The following RUBCNL variants were observed in gnomAD, a reference collection of about 807,000 sequenced individuals.
RUBCNL encodes the protein protein associated with UVRAG as autophagy enhancer.
RUBCNL carries 62 observed loss-of-function variants against 69.5 expected under a neutral mutation model. The ratio of observed to expected loss-of-function variants is 0.89; its 90% confidence interval spans 0.73 to 1.10. The LOEUF (loss-of-function observed/expected upper bound fraction) is 1.10. Ranked by LOEUF, RUBCNL falls within the 50% of genes least tolerant of loss-of-function variation. RUBCNL has a pLI of 0.00. For synonymous variants in RUBCNL, 291 were observed against 303.6 expected (o/e 0.96, Z 0.43); for missense variants, 768 against 798.1 (o/e 0.96, Z 0.45).
In RUBCNL at chr13:46,343,302, T is replaced by C; in HGVS notation, c.*83A>G. The C allele has an allele frequency of 6.4e-7, 1 of 1,553,770 alleles. No individual in the cohort carries two copies. Among genetic ancestry groups the C allele is most frequent in the Non-Finnish European group, 8.7e-7 (1 of 1,145,480 alleles). ...TCCTTAATATACAATACCCAATATC[T>C]AAAACAATGTCACCAATAATAGACA... On this transcript the variant is annotated 3_prime_UTR_variant, in exon 15 of 15. Coordinates refer to ENST00000429979, the MANE Select transcript of RUBCNL (RefSeq NM_025113.5).
Position 46,343,243 on chromosome 13 carries a change from G to C in RUBCNL, c.*142C>G, listed in dbSNP as rs748353066. The stretch of plus-strand genomic sequence containing the variant: ...AATCTGCATTCTTTTGAAACATTAA[G>C]TATATGCAATAAAGAGAATATAGAC... On this transcript the variant is annotated 3_prime_UTR_variant, in exon 15 of 15. Transcript: ENST00000429979. 7.9e-7 allele frequency: 1 copy of C among 1,262,112 alleles called. No individual in the cohort carries two copies. The highest frequency in any genetic ancestry group is 1.5e-5 in the African/African-American group (1 of 67,070). The allele number at this position is 1,262,112 out of a possible 1,614,324, so 78.2% of individuals were successfully genotyped here.
At position 46,337,269 on chromosome 13, in the gene RUBCNL, A is replaced by T. The variant is rs368657045; in HGVS notation, c.*6116T>A. 9.9e-5 allele frequency among the ~76,000 whole-genome samples: 15 copies of T among 152,206 alleles called. No individual in the cohort carries two copies. Among genetic ancestry groups the T allele is most frequent in the African/African-American group, 3.4e-4 (14 of 41,520 alleles). ...GCGATTCTTCTGCCTCAGCCTCCCG[A>T]GTAGCTGGGATTACAGGCACTTGCG... On this transcript the variant is annotated 3_prime_UTR_variant, in exon 15 of 15. Coordinates refer to ENST00000429979, the MANE Select transcript of RUBCNL (RefSeq NM_025113.5).
chr13:46,372,089 C>T lies in RUBCNL; in HGVS notation c.387G>A (p.Leu129=), dbSNP rs1334005763. The T allele has an allele frequency of 6.2e-7, 1 of 1,614,000 alleles. No homozygotes were observed. Among genetic ancestry groups the T allele is most frequent in the Admixed American group, 1.7e-5 (1 of 60,022 alleles). ...GSSEKSSSFS[L]SSTEVHMVRP... is the part of the protein sequence containing the mutation. Reference sequence around the variant, plus strand: ...GGACCATGTGTACCTCTGTTGAGGACAGAGAGAAGCTGCTACTCTTTTCAC... The same window carrying T: ...GGACCATGTGTACCTCTGTTGAGGATAGAGAGAAGCTGCTACTCTTTTCAC... The change falls in exon 3 of 15, where the codon CTG becomes CTA. Residue 129 remains leucine (L), a synonymous_variant. Transcript: ENST00000429979.
chr13:46,382,793 C>T (rs970342588), intron 1 of RUBCNL, among the ~76,000 whole-genome samples: 4 of 152,194 alleles, frequency 2.6e-5, no homozygotes, highest in African/African-American at 9.7e-5. Context: ...CCTCAGCCTC[C>T]CAAAGTGCTG....
rs2048113903 is a variant in RUBCNL, at chr13:46,337,857, ATCACTCAGGGAGCTGGGTAGGGCCC to A, written c.*5503_*5527del. 1.3e-5 allele frequency among the ~76,000 whole-genome samples: 2 copies of A among 152,310 alleles called. No homozygotes were observed. The highest frequency in any genetic ancestry group is 4.1e-4 in the South Asian group (2 of 4,822). On this transcript the variant is annotated 3_prime_UTR_variant, in exon 15 of 15. Coordinates refer to ENST00000429979, the MANE Select transcript of RUBCNL (RefSeq NM_025113.5). ...CTCCTGAGTAGTTCTATTTCAAACA[ATCACTCAGGGAGCTGGGTAGGGCCC>A]TCAGGAATGTGGACCTTCAGGGGCT...
chr13:46,350,227 G>C lies in RUBCNL; in HGVS notation c.1455C>G (p.Tyr485Ter), dbSNP rs147137455. ...GCAGCTGTTTGGAGAAATTGCTGAC[G>C]TAGTACTTCTTGAAGTCCCACATCA... is the stretch of plus-strand genomic sequence containing the variant. ...ILMMWDFKKY[Y>*]VSNFSKQLLD... Residue 485 changes from tyrosine (Y) to a stop codon, truncating the protein, a stop_gained, in exon 11 of 15, where the codon TAC (tyrosine) becomes TAG (stop). Transcript: ENST00000429979. LOFTEE classifies it high-confidence loss of function. 1.3e-6 allele frequency: 2 copies of C among 1,593,480 alleles called. No individual in the cohort carries two copies. The highest frequency in any genetic ancestry group is 1.8e-5 in the Admixed American group (1 of 56,730).
intron 1 of RUBCNL, among the ~76,000 whole-genome samples, chr13:46,385,522 A>G (rs2049219216): frequency 6.6e-6 from 1 of 152,220 alleles, no homozygotes; most frequent in African/African-American, 2.4e-5. Flanking sequence ...CATATTAGAA[A>G]TAAGAACGTA....
In RUBCNL at chr13:46,336,276, G is replaced by A. The variant is rs1216718492; in HGVS notation, c.*7109C>T. ...CACCTCCATCATCAGACTCTACGAAGATGGAGTTTCAGGTGGTCCCCAACA... is the reference window on the plus strand; with the variant it reads ...CACCTCCATCATCAGACTCTACGAAAATGGAGTTTCAGGTGGTCCCCAACA... On this transcript the variant is annotated 3_prime_UTR_variant, in exon 15 of 15. Coordinates refer to ENST00000429979, the MANE Select transcript of RUBCNL (RefSeq NM_025113.5). Among the ~76,000 whole-genome samples, 1 of 152,170 alleles carries A rather than the reference G, an allele frequency of 6.6e-6. No homozygotes were observed. Among genetic ancestry groups the A allele is most frequent in the African/African-American group, 2.4e-5 (1 of 41,444 alleles).
upstream of RUBCNL, chr13:46,389,968 CT>C (rs1488762886): frequency 3.3e-5 from 5 of 152,300 alleles, no homozygotes; most frequent in African/African-American, 1.2e-4. The surrounding 1 kb of genome is among the most constrained non-coding windows in gnomAD (Gnocchi z 4.2). Flanking sequence ...GGAAGGTGAA[CT>C]TCCAGATCAC....
At position 46,341,194 on chromosome 13, in the gene RUBCNL, T is replaced by C. The variant is rs1566534663; in HGVS notation, c.*2191A>G. Among the ~76,000 whole-genome samples the C allele has an allele frequency of 6.6e-6, 1 of 151,986 alleles. No individual in the cohort carries two copies. Among genetic ancestry groups the C allele is most frequent in the African/African-American group, 2.4e-5 (1 of 41,350 alleles). The stretch of plus-strand genomic sequence containing the variant: ...ATGTGAAGAGTGCAGAGGCAGAAAA[T>C]GAATCACTGACCTTTACAGCACTGC... On this transcript the variant is annotated 3_prime_UTR_variant, in exon 15 of 15. Coordinates refer to ENST00000429979, the MANE Select transcript of RUBCNL (RefSeq NM_025113.5).
rs943357590 is a variant in RUBCNL, at chr13:46,340,774, C to T, written c.*2611G>A. Among the ~76,000 whole-genome samples the T allele has an allele frequency of 2.0e-5, 3 of 152,132 alleles. No individual in the cohort carries two copies. Among genetic ancestry groups the T allele is most frequent in the African/African-American group, 7.2e-5 (3 of 41,430 alleles). The stretch of plus-strand genomic sequence containing the variant: ...AGGCAAAGAGAGGGCAGGGAGGTGC[C>T]AGGCTTCATAACAACCAGCTCTCAT... On this transcript the variant is annotated 3_prime_UTR_variant, in exon 15 of 15. Coordinates refer to ENST00000429979, the MANE Select transcript of RUBCNL (RefSeq NM_025113.5).
Position 46,339,996 on chromosome 13 carries a change from C to T in RUBCNL, c.*3389G>A, listed in dbSNP as rs1349827302. Among the ~76,000 whole-genome samples, 1 of 151,802 alleles carries T rather than the reference C, an allele frequency of 6.6e-6. No individual in the cohort carries two copies. The highest frequency in any genetic ancestry group is 1.5e-5 in the Non-Finnish European group (1 of 67,956). ...TTTTAAGGCTCTGAGGAAGAATCTG[C>T]CCCCTGCCTCTCTCCGGCTTCTGGG... is the stretch of plus-strand genomic sequence containing the variant. On this transcript the variant is annotated 3_prime_UTR_variant, in exon 15 of 15. Transcript: ENST00000429979.
chr13:46,385,747 C>T (rs1436048924), intron 1 of RUBCNL, among the ~76,000 whole-genome samples: 3 of 150,510 alleles, frequency 2.0e-5, no homozygotes, highest in Non-Finnish European at 4.4e-5. Context: ...TATCAAAAAA[C>T]AAGAACTCAG....
At chr13:46,365,415 G>A (rs563581648) in intron 5 of RUBCNL, among the ~76,000 whole-genome samples, 1 of 151,936 alleles carries the variant, frequency 6.6e-6, no homozygotes, top group South Asian at 2.1e-4. Context: ...GAGAAGTTCT[G>A]AGGCAAGGTT....
intron 2 of RUBCNL, among the ~76,000 whole-genome samples, chr13:46,375,494 T>C (rs1346323246): frequency 6.6e-6 from 1 of 151,840 alleles, no homozygotes; most frequent in Non-Finnish European, 1.5e-5. Flanking sequence ...GATCATGCCA[T>C]TGCACTCCAG....
intron 8 of RUBCNL, among the ~76,000 whole-genome samples, chr13:46,360,076 T>C (rs144648197): frequency 2.2e-4 from 34 of 152,264 alleles, no homozygotes; most frequent in African/African-American, 6.5e-4. Context: ...CCACTGGACT[T>C]TCCTACTGTC....
chr13:46,356,621 A>G, intron 9 of RUBCNL, 125 bp from the exon 10 acceptor site: 2 of 731,958 alleles, frequency 2.7e-6, no homozygotes, highest in Admixed American at 2.8e-5. Context: ...GTCACTTTTC[A>G]TTTGGGAAAG....
At chr13:46,364,083 C>T (rs2048693282) in intron 5 of RUBCNL, among the ~76,000 whole-genome samples, 1 of 151,828 alleles carries the variant, frequency 6.6e-6, no homozygotes, top group African/African-American at 2.4e-5. Flanking sequence ...AAGGAAATAG[C>T]CTAGCCCATA....
intron 2 of RUBCNL, among the ~76,000 whole-genome samples, chr13:46,374,035 C>T (rs1445018971): frequency 6.6e-6 from 1 of 152,218 alleles, no homozygotes; most frequent in Non-Finnish European, 1.5e-5. Context: ...ATAGCTATAG[C>T]TGCTGTCTTA....
Sources: allele counts gnomAD v4.1 joint callset (sites outside exome capture counted in the v4.1 genomes callset), GRCh38; gene constraint gnomAD v4.1.1; non-coding constraint Gnocchi (gnomAD v3.1); transcripts MANE v1.5; gene names NCBI Gene and HGNC (gene_info 2026-07-23, HGNC 2026-07-21).